The following ANKRD30A variants were observed in gnomAD, a reference collection of about 807,000 sequenced individuals.
ANKRD30A encodes ankyrin repeat domain 30A, also known as ankyrin repeat domain-containing protein 30A.
A neutral mutation model predicts 166.3 loss-of-function variants in ANKRD30A; 170 were observed. The observed-to-expected ratio is 1.02, with a 90% CI of 0.90 to 1.16. ANKRD30A has a LOEUF of 1.16. ANKRD30A is among the 50% of genes most tolerant of loss of function. The pLI is 0.00. For synonymous variants in ANKRD30A, 564 were observed against 508.9 expected, an observed-to-expected ratio of 1.11 and a Z score of -1.46; for missense variants, 1,630 against 1,518.0, an observed-to-expected ratio of 1.07 and a Z score of -1.23.
At chr10:37,250,465 A>G in the ANKRD30A span, among the ~76,000 whole-genome samples, 4 of 152,116 alleles carry the variant, frequency 2.6e-5, no homozygotes, top group Non-Finnish European at 5.9e-5. Context: ...GACTCTGACG[A>G]GGGGTTCAGG....
intron 11 of ANKRD30A, 116 bp downstream of exon 11, chr10:37,149,965 A>G (rs951408458): frequency 2.0e-5 from 28 of 1,390,388 alleles, no homozygotes; most frequent in South Asian, 1.1e-4. Flanking sequence ...TTTGATCTAG[A>G]TAATGCCAAT....
intron 4 of ANKRD30A, among the ~76,000 whole-genome samples, chr10:37,133,422 C>T (rs533482612): frequency 6.6e-6 from 1 of 152,270 alleles, no homozygotes; most frequent in African/African-American, 2.4e-5. Context: ...CCTTTAAGGA[C>T]TATTGTGTTG....
chr10:37,132,081 G>A (rs1233248474), intron 3 of ANKRD30A, among the ~76,000 whole-genome samples, 159 bp from the exon 4 acceptor site: 2 of 152,180 alleles, frequency 1.3e-5, no homozygotes, highest in African/African-American at 4.8e-5. Context: ...AGCGGAAGGT[G>A]CAGTGCATGG....
intron 9 of ANKRD30A, among the ~76,000 whole-genome samples, chr10:37,148,693 G>C (rs1043139987): frequency 6.6e-6 from 1 of 151,996 alleles, no homozygotes; most frequent in African/African-American, 2.4e-5. Flanking sequence ...TGACTCATTA[G>C]GTTTCTATGT....
intron 12 of ANKRD30A, among the ~76,000 whole-genome samples, chr10:37,152,734 T>C (rs17606031): frequency 9.9e-5 from 15 of 152,194 alleles, no homozygotes; most frequent in East Asian, 9.7e-4. Flanking sequence ...CCTTGAGTCC[T>C]CTTATGGCAG....
intron 11 of ANKRD30A, among the ~76,000 whole-genome samples, chr10:37,150,668 G>A (rs778116706): frequency 2.6e-5 from 4 of 151,880 alleles, no homozygotes; most frequent in Non-Finnish European, 5.9e-5. Flanking sequence ...CATCCATAAA[G>A]GACACAATTA....
chr10:37,264,505 T>C, the ANKRD30A span: 93 of 314,718 alleles, frequency 3.0e-4, 1 homozygote, highest in Non-Finnish European at 4.9e-4. Context: ...AGAAGCCCTG[T>C]CTGAGTGACT....
chr10:37,209,299 C>T (rs1933748), intron 31 of ANKRD30A, among the ~76,000 whole-genome samples: 27,265 of 152,044 alleles, frequency 0.18, 3,119 homozygotes, highest in Admixed American at 0.26. Context: ...TTCATTGGCG[C>T]ACAGTTCTAC....
chr10:37,138,986 G>A (rs1424701232), intron 6 of ANKRD30A, among the ~76,000 whole-genome samples: 1 of 152,120 alleles, frequency 6.6e-6, no homozygotes, highest in Non-Finnish European at 1.5e-5. Context: ...GAAAGGTCGG[G>A]TTACCCACAA....
chr10:37,263,879 G>A, the ANKRD30A span, among the ~76,000 whole-genome samples: 6 of 152,176 alleles, frequency 3.9e-5, no homozygotes, highest in Non-Finnish European at 7.3e-5. Flanking sequence ...GTTAGAGGAG[G>A]AGGCAGTGAG....
chr10:37,164,981 G>T (rs11011055), intron 17 of ANKRD30A, 113 bp from the exon 18 acceptor site: 49 of 1,123,682 alleles, frequency 4.4e-5, no homozygotes, highest in Non-Finnish European at 2.6e-6. Context: ...AAGAACATAT[G>T]GGCCACAGAG....
At chr10:37,224,456 T>A (rs1353562191) in intron 34 of ANKRD30A, among the ~76,000 whole-genome samples, 2 of 150,652 alleles carry the variant, frequency 1.3e-5, no homozygotes, top group Non-Finnish European at 3.0e-5. Context: ...CTGTTGTTTT[T>A]GATACACACA....
At chr10:37,151,973 C>A in intron 11 of ANKRD30A, 87 bp from the exon 12 acceptor site, 2 of 1,207,388 alleles carry the variant, frequency 1.7e-6, no homozygotes, top group African/African-American at 1.6e-5. Context: ...ACCACAGATT[C>A]GTGAATGAAA....
At chr10:37,234,856 C>A (rs181211072), downstream of ANKRD30A, among the ~76,000 whole-genome samples, 1 of 152,122 alleles carries the variant, frequency 6.6e-6, no homozygotes, top group East Asian at 1.9e-4. Context: ...CATGGTGGAA[C>A]ATTGTGTCAC....
the ANKRD30A span, among the ~76,000 whole-genome samples, chr10:37,252,299 A>G: frequency 6.6e-6 from 1 of 152,210 alleles, no homozygotes; most frequent in Non-Finnish European, 1.5e-5. Flanking sequence ...CCATATGGAT[A>G]CTTATATATA....
chr10:37,262,039 A>C, the ANKRD30A span: 8 of 152,628 alleles, frequency 5.2e-5, no homozygotes, highest in African/African-American at 1.9e-4. Context: ...TTAAATCTTC[A>C]AAATGTATTT....
intron 21 of ANKRD30A, among the ~76,000 whole-genome samples, chr10:37,171,088 G>C (rs1375946463): frequency 1.1e-5 from 1 of 87,096 alleles, no homozygotes; most frequent in Non-Finnish European, 2.6e-5. Flanking sequence ...ACAGGCATGA[G>C]GCACCGTGCC....
At position 37,165,123 on chromosome 10, in the gene ANKRD30A, A is replaced by T; in HGVS notation, c.2032A>T (p.Lys678Ter). The change falls in exon 18 of 36, where the codon AAG (lysine) becomes TAG (stop). Residue 678 changes from lysine (K) to a stop codon, truncating the protein, a stop_gained. Coordinates refer to ENST00000361713, the MANE Select transcript of ANKRD30A (RefSeq NM_052997.3). LOFTEE classifies it high-confidence loss of function. The part of the protein sequence containing the change: ...DEILPSESKQ[K>*]DYEENSWDTE... The stretch of plus-strand genomic sequence containing the variant: ...GATACTCCCATCAGAATCCAAACAA[A>T]AGGACTATGAAGAAAATTCTTGGGA... The T allele has an allele frequency of 6.2e-7, 1 of 1,609,174 alleles. No individual in the cohort carries two copies. Among genetic ancestry groups the T allele is most frequent in the Non-Finnish European group, 8.5e-7 (1 of 1,175,948 alleles).
At chr10:37,165,308 G>C (rs1238421658) in intron 18 of ANKRD30A, among the ~76,000 whole-genome samples, 153 bp downstream of exon 18, 2 of 152,176 alleles carry the variant, frequency 1.3e-5, no homozygotes, top group Admixed American at 1.3e-4. Flanking sequence ...GAATCTATGT[G>C]CTAAGTAGAT....
Sources: allele counts gnomAD v4.1 joint callset (sites outside exome capture counted in the v4.1 genomes callset), GRCh38; gene constraint gnomAD v4.1.1; transcripts MANE v1.5; gene names NCBI Gene and HGNC (gene_info 2026-07-23, HGNC 2026-07-21).